The following TCF20 variants were observed in gnomAD, a reference collection of about 807,000 sequenced individuals.
TCF20 encodes the protein SPRE-binding protein.
Under a neutral mutation model 148.6 loss-of-function variants are expected in TCF20, and 3 were observed. The ratio of observed to expected loss-of-function variants is 0.02; its 90% CI spans 0.01 to 0.05. The LOEUF (loss-of-function observed/expected upper bound fraction) is 0.05, where lower values mean the gene tolerates loss of function less well. Among genes scored for constraint, TCF20 ranks in the 10% least tolerant of loss-of-function variants. The pLI is 1.00. For synonymous variants in TCF20, 1,049 were observed against 909.5 expected, an observed-to-expected ratio of 1.15 and a Z score of -2.76; for missense variants, 2,350 against 2,429.3, an observed-to-expected ratio of 0.97 and a Z score of 0.69.
chr22:42,318,977 A>G (rs937501566), intron 1 of TCF20, among the ~76,000 whole-genome samples: 1 of 152,196 alleles, frequency 6.6e-6, no homozygotes, highest in Non-Finnish European at 1.5e-5. Flanking sequence ...AGATCACTCC[A>G]GCTGTGTTCT....
chr22:42,268,332 A>G (rs564441820), intron 1 of TCF20, among the ~76,000 whole-genome samples: 3 of 152,352 alleles, frequency 2.0e-5, no homozygotes, highest in Non-Finnish European at 4.4e-5. Context: ...GCACAGCCTA[A>G]GGCCTTCACA....
chr22:42,308,510 T>C (rs2147039642), intron 1 of TCF20, among the ~76,000 whole-genome samples: 1 of 152,146 alleles, frequency 6.6e-6, no homozygotes, highest in South Asian at 2.1e-4. Context: ...AAGGAGGTAA[T>C]GAAGGCCCCA....
chr22:42,166,415 C>A (rs1055194088), intron 5 of TCF20, among the ~76,000 whole-genome samples: 3 of 152,174 alleles, frequency 2.0e-5, no homozygotes, highest in African/African-American at 4.8e-5. Flanking sequence ...CAAGGCCAGC[C>A]TGGGCAACAT....
intron 1 of TCF20, among the ~76,000 whole-genome samples, chr22:42,319,640 C>G (rs1168091982): frequency 6.6e-6 from 1 of 152,202 alleles, no homozygotes; most frequent in Non-Finnish European, 1.5e-5. Context: ...ACTTTGCAAC[C>G]ATGATTCCTA....
intron 1 of TCF20, among the ~76,000 whole-genome samples, chr22:42,333,060 C>G (rs1928004960): frequency 6.6e-6 from 1 of 152,242 alleles, no homozygotes; most frequent in South Asian, 2.1e-4. Flanking sequence ...GTTATACCTC[C>G]AAGAAAAAGT....
At chr22:42,180,592 G>T (rs532055597) in intron 2 of TCF20, among the ~76,000 whole-genome samples, 1 of 152,294 alleles carries the variant, frequency 6.6e-6, no homozygotes, top group South Asian at 2.1e-4. Context: ...ACAGAAACTT[G>T]TTCCTGCTTC....
chr22:42,310,632 C>T (rs1368809688), intron 1 of TCF20, among the ~76,000 whole-genome samples: 1 of 152,140 alleles, frequency 6.6e-6, no homozygotes, highest in Non-Finnish European at 1.5e-5. Context: ...GGCTGGAATA[C>T]AGTGGAGAGG....
rs1029412204 is a variant in TCF20, at chr22:42,212,916, T to G, written c.2390A>C (p.Glu797Ala). ...GTTCAGAAGGCCCCTGCTAGCTAAT[T>G]CATTGGTTTGACTAACCAAGACATT... is the stretch of plus-strand genomic sequence containing the variant. ...RPNVLVSQTN[E>A]LASRGLLNKS... Residue 797 changes from glutamate (E) to alanine (A), a missense_variant, in exon 2 of 6, where the codon GAA becomes GCA. Glu to Ala is a moderately radical substitution (Grantham distance 107). Coordinates refer to ENST00000677622, the MANE Select transcript of TCF20 (RefSeq NM_001378418.1). The G allele has an allele frequency of 6.2e-7, 1 of 1,614,132 alleles. No individual in the cohort carries two copies. Among genetic ancestry groups the G allele is most frequent in the Non-Finnish European group, 8.5e-7 (1 of 1,180,028 alleles).
chr22:42,235,035 G>A (rs893425498), intron 1 of TCF20, among the ~76,000 whole-genome samples: 22 of 152,012 alleles, frequency 1.4e-4, no homozygotes, highest in African/African-American at 5.3e-4. Flanking sequence ...CCACATACTC[G>A]GGAGGCTGAG....
intron 2 of TCF20, among the ~76,000 whole-genome samples, chr22:42,205,177 T>C (rs1451606478): frequency 3.3e-5 from 5 of 151,652 alleles, no homozygotes; most frequent in Non-Finnish European, 4.4e-5. Flanking sequence ...TCAGAGGTCA[T>C]TGTGATTCTC....
chr22:42,315,242 G>T (rs1927607865), intron 1 of TCF20, among the ~76,000 whole-genome samples: 1 of 152,170 alleles, frequency 6.6e-6, no homozygotes, highest in African/African-American at 2.4e-5. Flanking sequence ...CTGAAGCAAT[G>T]AAAAGTGGGA....
At chr22:42,203,764 G>T (rs1938200382) in intron 2 of TCF20, among the ~76,000 whole-genome samples, 1 of 152,198 alleles carries the variant, frequency 6.6e-6, no homozygotes, top group South Asian at 2.1e-4. Flanking sequence ...GGCTGGGAGG[G>T]AGAGGAGAAT....
chr22:42,237,219 T>C (rs1474411801), intron 1 of TCF20, among the ~76,000 whole-genome samples: 1 of 152,236 alleles, frequency 6.6e-6, no homozygotes, highest in Non-Finnish European at 1.5e-5. Context: ...TACGTTTATG[T>C]AATATTCTAA....
chr22:42,333,527 C>T (rs1201803119), intron 1 of TCF20, among the ~76,000 whole-genome samples: 2 of 152,252 alleles, frequency 1.3e-5, no homozygotes, highest in African/African-American at 4.8e-5. Flanking sequence ...TCCACCACAC[C>T]TTGGCCCTCT....
At chr22:42,182,132 C>T (rs942155879) in intron 2 of TCF20, among the ~76,000 whole-genome samples, 5 of 152,154 alleles carry the variant, frequency 3.3e-5, no homozygotes, top group Non-Finnish European at 7.4e-5. Context: ...CACCTCTAGC[C>T]TTGTTACAGG....
At chr22:42,258,066 A>C (rs1925839077) in intron 1 of TCF20, among the ~76,000 whole-genome samples, 1 of 152,228 alleles carries the variant, frequency 6.6e-6, no homozygotes, top group Admixed American at 6.5e-5. Flanking sequence ...GTTGTGTCCA[A>C]ATCACTGGAA....
Position 42,211,893 on chromosome 22 carries a change from T to C in TCF20, c.3413A>G (p.Asn1138Ser). The change falls in exon 2 of 6, where the codon AAT (asparagine) becomes AGT (serine). Residue 1138 changes from asparagine (N) to serine (S), a missense_variant. Around this residue, in one of 7 missense-constraint regions of TCF20, gnomAD observed 1,641 missense variants for 1,662.6 expected, o/e 0.99. Coordinates refer to ENST00000677622, the MANE Select transcript of TCF20 (RefSeq NM_001378418.1). ...FLDRVRSPLK[N>S]DKDGMMYGPP... is the part of the protein sequence containing the mutation. ...GCCATACATCATACCATCTTTGTCA[T>C]TTTTCAGAGGGCTCCGTACTCTGTC... 10 of 1,614,132 alleles carry C rather than the reference T, an allele frequency of 6.2e-6. No homozygotes were observed. Among genetic ancestry groups the C allele is most frequent in the Non-Finnish European group, 8.5e-6 (10 of 1,180,034 alleles).
Position 42,303,848 on chromosome 22 carries a change from G to A in TCF20, c.-37+39631C>T, listed in dbSNP as rs556698394. Among the ~76,000 whole-genome samples, 15 of 151,970 alleles carry A rather than the reference G, an allele frequency of 9.9e-5. No individual in the cohort carries two copies. The South Asian group carries it at 3.1e-3, about 32-fold the overall frequency. ...CAGGGAGCTAGGGACAGGGAGGGAG[G>A]GAGAGGGGAATGTGGAGAGGAGGGG... On this transcript the variant is annotated intron_variant, in intron 1 of 1. Coordinates refer to the TCF20 transcript ENST00000515426.
chr22:42,270,821 C>T (rs1926585701), upstream of TCF20, among the ~76,000 whole-genome samples: 1 of 147,974 alleles, frequency 6.8e-6, no homozygotes, highest in Non-Finnish European at 1.5e-5. Flanking sequence ...GGCTGGCGCG[C>T]GCCGGGTAGG....
Sources: allele counts gnomAD v4.1 joint callset (sites outside exome capture counted in the v4.1 genomes callset), GRCh38; gene constraint gnomAD v4.1.1; regional missense constraint gnomAD v4.1.1; transcripts MANE v1.5; gene names NCBI Gene and HGNC (gene_info 2026-07-23, HGNC 2026-07-21).